CFAP92: variants seen among roughly 807,000 people sequenced by gnomAD.
CFAP92 encodes cilia and flagella associated protein 92 (putative).
CFAP92 carries 86 observed loss-of-function variants against 106.3 expected under a neutral mutation model. That is an observed-to-expected ratio of 0.81 (90% CI 0.68 to 0.97). CFAP92 has a LOEUF of 0.97. CFAP92 is among the 50% of genes least tolerant of loss of function. CFAP92 has a pLI of 0.00. For synonymous variants in CFAP92, 477 were observed against 506.4 expected, an observed-to-expected ratio of 0.94 and a Z score of 0.78; for missense variants, 1,204 against 1,283.8, an observed-to-expected ratio of 0.94 and a Z score of 0.95.
chr3:128,976,300 CAAATGAACTCT>C (rs1430910615), intron 6 of CFAP92, among the ~76,000 whole-genome samples: 13 of 152,188 alleles, frequency 8.5e-5, no homozygotes, highest in Non-Finnish European at 1.8e-4. Context: ...ATAGGCAGAA[CAAATGAACTCT>C]ATTAAAGGAC....
chr3:129,010,767 G>C, the CFAP92 span, among the ~76,000 whole-genome samples: 1 of 152,210 alleles, frequency 6.6e-6, no homozygotes, highest in African/African-American at 2.4e-5. The surrounding 1 kb of genome is among the most constrained non-coding windows in gnomAD (Gnocchi z 4.3). Context: ...GGAGGTGGGT[G>C]TGTGGGTGGC....
At chr3:128,948,153 G>C (rs533207684) in intron 9 of CFAP92, among the ~76,000 whole-genome samples, 2 of 152,054 alleles carry the variant, frequency 1.3e-5, no homozygotes, top group South Asian at 4.1e-4. Flanking sequence ...TCCAACAACA[G>C]ACTTAAATCC....
intron 9 of CFAP92, among the ~76,000 whole-genome samples, chr3:128,949,628 G>A (rs1940586656): frequency 6.6e-6 from 1 of 152,250 alleles, no homozygotes; most frequent in South Asian, 2.1e-4. Flanking sequence ...CAAAGGAGGG[G>A]TTTGGGGTAA....
At chr3:128,918,851 C>T (rs566542608) in intron 12 of CFAP92, among the ~76,000 whole-genome samples, 31 of 150,962 alleles carry the variant, frequency 2.1e-4, no homozygotes, top group African/African-American at 6.6e-4. Context: ...AACACAGGAA[C>T]GGAGGGTTTA....
At chr3:129,018,904 G>A in the CFAP92 span, among the ~76,000 whole-genome samples, 2 of 152,154 alleles carry the variant, frequency 1.3e-5, no homozygotes, top group African/African-American at 2.4e-5. Flanking sequence ...GTTGTTCTGC[G>A]AGTGCATCTT....
At chr3:128,968,916 CCAT>C (rs1230103638) in intron 8 of CFAP92, 4 of 159,076 alleles carry the variant, frequency 2.5e-5, no homozygotes, top group Admixed American at 1.3e-4. Context: ...CCAAGCTAAG[CCAT>C]CATATCCCCA....
At chr3:128,963,382 C>G (rs137932524) in intron 9 of CFAP92, among the ~76,000 whole-genome samples, 3,090 of 152,276 alleles carry the variant, frequency 0.02, 117 homozygotes, top group African/African-American at 0.07. Flanking sequence ...GTTAGAGGCC[C>G]TAAAAGTCAC....
chr3:128,990,708 C>T (rs574792588), intron 2 of CFAP92, among the ~76,000 whole-genome samples: 3 of 151,704 alleles, frequency 2.0e-5, no homozygotes, highest in East Asian at 1.9e-4. Context: ...CCGGCCTGAC[C>T]AATATGGTGA....
chr3:128,925,387 ACCT>A (rs1377684022), intron 12 of CFAP92, among the ~76,000 whole-genome samples: 1 of 151,820 alleles, frequency 6.6e-6, no homozygotes, highest in Admixed American at 6.6e-5. Flanking sequence ...GCCCACTCTC[ACCT>A]CCTGTTGTGC....
At chr3:129,014,598 A>T in the CFAP92 span, among the ~76,000 whole-genome samples, 1 of 152,334 alleles carries the variant, frequency 6.6e-6, no homozygotes, top group Non-Finnish European at 1.5e-5. This position sits in a 1 kb window ranked among gnomAD's most constrained non-coding sequence, Gnocchi z 4.3. Context: ...ATAAGATCAC[A>T]TTATGAGGAG....
At chr3:128,913,116 C>A (rs1418184628) in intron 15 of CFAP92, 1 of 446,840 alleles carries the variant, frequency 2.2e-6, no homozygotes, top group Admixed American at 2.4e-5. Flanking sequence ...GTACTGTTAG[C>A]CTTTGCTGTA....
chr3:128,993,253 TG>T lies in CFAP92; in HGVS notation c.51del (p.Ile18SerfsTer20), dbSNP rs779162234. 5.0e-6 allele frequency: 8 copies of T among 1,613,808 alleles called. No homozygotes were observed. In the Middle Eastern group the frequency reaches 4.9e-4, roughly 99 times the overall value. On this transcript the variant is annotated frameshift_variant, in exon 2 of 16. Transcript: ENST00000645291. LOFTEE classifies it high-confidence loss of function. ...EWEEDPASIE[P>X]ISSITSFYQS... is the part of the protein sequence containing the mutation. Reference sequence around the variant, plus strand: ...TGGTAAAAGCTAGTGATGGAGGAGATGGGCTCTATGCTTGCGGGGTCCTCTT... The same window carrying T: ...TGGTAAAAGCTAGTGATGGAGGAGATGGCTCTATGCTTGCGGGGTCCTCTT...
intron 12 of CFAP92, among the ~76,000 whole-genome samples, chr3:128,930,227 T>A (rs1263330020): frequency 6.6e-6 from 1 of 152,152 alleles, no homozygotes; most frequent in Non-Finnish European, 1.5e-5. Context: ...TTTGGCTCAC[T>A]GCAACCTCTG....
At chr3:129,023,440 T>C in the CFAP92 span, among the ~76,000 whole-genome samples, 3 of 152,060 alleles carry the variant, frequency 2.0e-5, no homozygotes, top group Admixed American at 6.6e-5. Flanking sequence ...GGCATTCTCC[T>C]GCCTCAGCCT....
chr3:128,912,610 C>G (rs767717264), intron 15 of CFAP92: 4 of 1,613,158 alleles, frequency 2.5e-6, no homozygotes, highest in Non-Finnish European at 3.4e-6. Context: ...CATGCTGAGG[C>G]AGGGGACAGT....
chr3:128,910,666 T>TTGAA (rs2107666289), intron 15 of CFAP92: 2 of 1,533,300 alleles, frequency 1.3e-6, no homozygotes, highest in Non-Finnish European at 9.0e-7. Flanking sequence ...GTTTGGCTGA[T>TTGAA]AGGCTGGGTT....
chr3:129,023,728 G>C, the CFAP92 span, among the ~76,000 whole-genome samples: 1 of 152,196 alleles, frequency 6.6e-6, no homozygotes, highest in Non-Finnish European at 1.5e-5. Flanking sequence ...CATAAAATAT[G>C]TATTAGTAAA....
At chr3:128,963,697 C>T (rs929954013) in intron 9 of CFAP92, among the ~76,000 whole-genome samples, 3 of 150,138 alleles carry the variant, frequency 2.0e-5, no homozygotes, top group African/African-American at 5.0e-5. Flanking sequence ...GGCCTAATCG[C>T]CACACACCAG....
At position 128,916,113 on chromosome 3, in the gene CFAP92, T is replaced by G. The variant is rs1221030454; in HGVS notation, c.2910A>C (p.Ile970=). 4.9e-6 allele frequency: 6 copies of G among 1,232,334 alleles called. No individual in the cohort carries two copies. Among genetic ancestry groups the G allele is most frequent in the Middle Eastern group, 6.2e-4 (2 of 3,208 alleles). 76.3% of individuals were successfully genotyped at this position (1,232,334 alleles called of 1,614,324 possible). Residue 970 remains isoleucine (I), a synonymous_variant, in exon 13 of 16, where the codon ATA becomes ATC. Coordinates refer to ENST00000645291, the MANE Select transcript of CFAP92 (RefSeq NM_001394090.1). The part of the protein sequence containing the change: ...ELAKKELYQE[I]AKEPRKRFTY... ...TCCTGTCTGGGTCTCTCACCTTGGC[T>G]ATCTCTTGATACAGCTCCTTCTTGG...
Sources: allele counts gnomAD v4.1 joint callset (sites outside exome capture counted in the v4.1 genomes callset), GRCh38; gene constraint gnomAD v4.1.1; non-coding constraint Gnocchi (gnomAD v3.1); transcripts MANE v1.5; gene names NCBI Gene and HGNC (gene_info 2026-07-23, HGNC 2026-07-21).